Variants in NUP98 observed in about 807,000 individuals in gnomAD.
NUP98 encodes the protein nucleoporin 98 and 96 precursor, also known as nuclear pore complex protein Nup98-Nup96.
NUP98 carries 26 observed loss-of-function variants against 191.9 expected under a neutral mutation model. The observed-to-expected ratio is 0.14, with a 90% CI of 0.10 to 0.19. NUP98 has a LOEUF of 0.19. NUP98 is among the 10% of genes least tolerant of loss of function. The pLI is 1.00. For missense variants in NUP98, 1,941 were observed against 2,178.8 expected (o/e 0.89, Z 2.17); for synonymous variants, 808 against 778.4 (o/e 1.04, Z -0.63).
rs1475174555 is a variant in NUP98, at chr11:3,706,593, A to G, written c.2777T>C (p.Val926Ala). The change falls in exon 21 of 33, where the codon GTT becomes GCT. Residue 926 changes from valine to alanine, a missense_variant. Val to Ala is a moderately conservative substitution (Grantham distance 64). Transcript: ENST00000324932. ...QSPEVEQLGRVVELDSDMVDI... is the reference protein window; with the variant it reads ...QSPEVEQLGRAVELDSDMVDI... ...TACCATGTCACTGTCCAGTTCCACAACCCTCCCTAACTGCTCCACCTCTGG... is the reference window on the plus strand; with the variant it reads ...TACCATGTCACTGTCCAGTTCCACAGCCCTCCCTAACTGCTCCACCTCTGG... The G allele has an allele frequency of 8.1e-6, 13 of 1,613,848 alleles. No homozygotes were observed. Among genetic ancestry groups the G allele is most frequent in the Non-Finnish European group, 1.1e-5 (13 of 1,180,012 alleles).
At chr11:3,774,409 C>A (rs1268315868) in intron 5 of NUP98, among the ~76,000 whole-genome samples, 1 of 151,388 alleles carries the variant, frequency 6.6e-6, no homozygotes, top group Non-Finnish European at 1.5e-5. Flanking sequence ...GAGACTCCAT[C>A]TCAAAAAACA....
At chr11:3,755,838 CCTATAATCCCAA>C (rs199766725) in intron 10 of NUP98, among the ~76,000 whole-genome samples, 7,652 of 152,166 alleles carry the variant, frequency 0.05, 247 homozygotes, top group Middle Eastern at 0.099. Context: ...GTGGCAGGCG[CCTATAATCCCAA>C]CTACTTGGGA....
Position 3,719,563 on chromosome 11 carries a change from G to A in NUP98, c.2261-13C>T. On this transcript the variant is annotated splice_polypyrimidine_tract_variant and intron_variant, in intron 17 of 32. Transcript: ENST00000324932. ...ATTGAACCATAACCTATAAATCAGA[G>A]CAAATAGTTAAAAATTCATTCTGTA... 6.6e-7 allele frequency: 1 copy of A among 1,522,200 alleles called. No homozygotes were observed. The highest frequency in any genetic ancestry group is 8.8e-7 in the Non-Finnish European group (1 of 1,138,430). 94.3% of individuals were successfully genotyped at this position (1,522,200 alleles called of 1,614,324 possible).
chr11:3,738,640 A>G (rs998268968), intron 12 of NUP98, among the ~76,000 whole-genome samples: 5 of 152,156 alleles, frequency 3.3e-5, no homozygotes, highest in Admixed American at 1.3e-4. Flanking sequence ...TTAGCCGGGC[A>G]TGGTGACACA....
chr11:3,754,283 G>A (rs1048419910), intron 10 of NUP98, among the ~76,000 whole-genome samples: 4 of 152,170 alleles, frequency 2.6e-5, no homozygotes, highest in East Asian at 1.9e-4. Flanking sequence ...AAAATTAGCC[G>A]GGCATGATGG....
intron 10 of NUP98, among the ~76,000 whole-genome samples, chr11:3,753,878 G>A (rs952018743): frequency 6.7e-6 from 1 of 149,804 alleles, no homozygotes; most frequent in Admixed American, 6.7e-5. Flanking sequence ...GGCAAAGGTT[G>A]CAGTGAGCCT....
At chr11:3,769,019 A>G (rs1333758246) in intron 7 of NUP98, among the ~76,000 whole-genome samples, 1 of 152,210 alleles carries the variant, frequency 6.6e-6, no homozygotes, top group East Asian at 1.9e-4. Context: ...TTACAAGATA[A>G]TACACTAGAA....
intron 20 of NUP98, among the ~76,000 whole-genome samples, chr11:3,707,010 G>T (rs2078881797): frequency 6.6e-6 from 1 of 151,934 alleles, no homozygotes; most frequent in Non-Finnish European, 1.5e-5. Flanking sequence ...GAAGACATTG[G>T]AAAAAAAGAA....
intron 10 of NUP98, among the ~76,000 whole-genome samples, chr11:3,757,042 C>T (rs987653363): frequency 2.0e-5 from 3 of 151,050 alleles, no homozygotes; most frequent in Non-Finnish European, 4.4e-5. Flanking sequence ...AAACCGAGAT[C>T]GTGCCGCTGC....
intron 4 of NUP98, 77 bp from the exon 5 acceptor site, chr11:3,776,098 T>C (rs1403903367): frequency 6.5e-6 from 7 of 1,079,488 alleles, no homozygotes; most frequent in East Asian, 2.4e-5. Flanking sequence ...AATTGGGCTA[T>C]GGCACTAGCA....
At chr11:3,791,840 T>TA (rs148173966) in intron 1 of NUP98, among the ~76,000 whole-genome samples, 3,494 of 112,900 alleles carry the variant, frequency 0.031, 95 homozygotes, top group African/African-American at 0.071. Context: ...AGACTACATC[T>TA]AAAAAAAAAA....
chr11:3,716,163 T>C (rs577076660), intron 18 of NUP98, among the ~76,000 whole-genome samples: 1 of 152,320 alleles, frequency 6.6e-6, no homozygotes, highest in South Asian at 2.1e-4. Flanking sequence ...ACCAATGTTA[T>C]GAAGCTTTTC....
intron 28 of NUP98, among the ~76,000 whole-genome samples, chr11:3,689,781 C>T (rs984980055): frequency 2.6e-5 from 4 of 151,718 alleles, no homozygotes; most frequent in Non-Finnish European, 5.9e-5. Context: ...GCTGGGACTA[C>T]ACACTACCAC....
At chr11:3,686,279 C>T in intron 28 of NUP98, 85 bp from the exon 29 acceptor site, 1 of 1,192,976 alleles carries the variant, frequency 8.4e-7, no homozygotes, top group Non-Finnish European at 1.2e-6. Context: ...ATGTCTAAGA[C>T]AATAAAAGAA....
At chr11:3,706,305 G>A (rs1472945857) in intron 21 of NUP98, 140 bp downstream of exon 21, 16 of 709,096 alleles carry the variant, frequency 2.3e-5, no homozygotes, top group Non-Finnish European at 3.8e-5. Context: ...CCAGACATTG[G>A]CCATATTCTT....
At chr11:3,691,764 G>C (rs2078318143) in intron 27 of NUP98, among the ~76,000 whole-genome samples, 1 of 152,144 alleles carries the variant, frequency 6.6e-6, no homozygotes, top group Non-Finnish European at 1.5e-5. Context: ...ATGTTGGCCA[G>C]GCTGGTCTTG....
chr11:3,739,451 G>T (rs189227324), intron 12 of NUP98, among the ~76,000 whole-genome samples: 160 of 152,198 alleles, frequency 1.1e-3, no homozygotes, highest in Admixed American at 3.1e-3. Flanking sequence ...GTTTCACCAT[G>T]TTGGCCAGGA....
At position 3,713,989 on chromosome 11, in the gene NUP98, A is replaced by C. The variant is rs2079097659; in HGVS notation, c.2406T>G (p.Ala802=). The change falls in exon 19 of 33, where the codon GCT becomes GCG. Residue 802 remains alanine (A), a synonymous_variant. Transcript: ENST00000324932. ...PPVGEGLNRK[A]EVTLDGVWPT... ...GCCAAACTCCATCCAATGTAACTTCAGCCTTCCTGTAAAACATAACCAATT... is the reference window on the plus strand; with the variant it reads ...GCCAAACTCCATCCAATGTAACTTCCGCCTTCCTGTAAAACATAACCAATT... 6.2e-7 allele frequency: 1 copy of C among 1,613,878 alleles called. No individual in the cohort carries two copies. Among genetic ancestry groups the C allele is most frequent in the African/African-American group, 1.3e-5 (1 of 74,924 alleles).
rs373056120 is a variant in NUP98 at position 3,691,445 on chromosome 11, C to T, written c.4356G>A (p.Ser1452=). ...TCACACAGCCAGAACCCTCCAGATA[C>T]GAAGGAAGTGGGGAGCAGGCATATC... ...SDRYACSPLP[S]YLEGSGCVIA... is the part of the protein sequence containing the mutation. The change falls in exon 28 of 33, where the codon TCG becomes TCA. Residue 1452 remains serine, a synonymous_variant. Coordinates refer to ENST00000324932, the MANE Select transcript of NUP98 (RefSeq NM_016320.5). 1.1e-5 allele frequency: 17 copies of T among 1,614,030 alleles called. No individual in the cohort carries two copies. The South Asian group carries it at 1.2e-4, about 11-fold the overall frequency.
Sources: gnomAD v4.1 joint callset for allele counts (sites outside exome capture counted in the v4.1 genomes callset) on GRCh38, gnomAD v4.1.1 for gene constraint, MANE v1.5 for transcripts, NCBI Gene and HGNC (gene_info 2026-07-23, HGNC 2026-07-21) for gene names.